Variants in ATRN observed in about 807,000 individuals in gnomAD.
ATRN encodes the protein attractin.
In ATRN, 54 loss-of-function variants were observed where a neutral mutation model predicts 178.7. The ratio of observed to expected loss-of-function variants is 0.30; its 90% CI spans 0.24 to 0.38. The LOEUF (loss-of-function observed/expected upper bound fraction) is 0.38. Among genes scored for constraint, ATRN ranks in the 10% least tolerant of loss-of-function variants. The probability of loss-of-function intolerance (pLI) is 1.00; values close to 1 mark genes in which losing one functional copy is unlikely to be tolerated. For synonymous variants in ATRN, 636 were observed against 663.0 expected (o/e 0.96, Z 0.63); for missense variants, 1,443 against 1,815.1 (o/e 0.79, Z 3.73).
intron 1 of ATRN, among the ~76,000 whole-genome samples, chr20:3,500,401 G>A (rs966757834): frequency 6.6e-5 from 10 of 151,944 alleles, no homozygotes; most frequent in Non-Finnish European, 1.5e-4. Flanking sequence ...GTTTATAGTG[G>A]CACTATTCAC....
chr20:3,579,221 C>T (rs188504017), intron 15 of ATRN, among the ~76,000 whole-genome samples: 1 of 152,258 alleles, frequency 6.6e-6, no homozygotes, highest in Admixed American at 6.5e-5. Context: ...TGTGGTGGCT[C>T]ACACCTGTAA....
At position 3,645,915 on chromosome 20, in the gene ATRN, G is replaced by C. The variant is rs1236204568; in HGVS notation, c.4166-808G>C. Among the ~76,000 whole-genome samples the C allele has an allele frequency of 1.3e-5, 2 of 152,158 alleles. No individual in the cohort carries two copies. Among genetic ancestry groups the C allele is most frequent in the Non-Finnish European group, 2.9e-5 (2 of 68,048 alleles). ...ACCGTGCCTTCCCTAATGGATGTCA[G>C]ATTACTCCGTTATCAATACAGGAAG... On this transcript the variant is annotated intron_variant, in intron 28 of 28. Transcript: ENST00000262919. The surrounding 1 kb of genome is among the most constrained non-coding windows in gnomAD (Gnocchi z 4.7).
At chr20:3,593,230 C>T (rs919265689) in intron 19 of ATRN, among the ~76,000 whole-genome samples, 1 of 152,122 alleles carries the variant, frequency 6.6e-6, no homozygotes, top group Non-Finnish European at 1.5e-5. Flanking sequence ...ATCTACAGGG[C>T]CTGAGTACAA....
At chr20:3,572,649 TC>T in intron 11 of ATRN, 81 bp from the exon 12 acceptor site, 1 of 1,112,738 alleles carries the variant, frequency 9.0e-7, no homozygotes, top group African/African-American at 3.2e-5. Context: ...AGACCCTGTC[TC>T]TTAAAAAAAA....
rs1303855199 is a variant in ATRN, at chr20:3,591,169, C to T, written c.3185C>T (p.Ala1062Val). ...CCCCTTGAAACTCTTTTTCTTGCAG[C>T]TTGCCAATGCAACGGCCACAGTAAA... is the stretch of plus-strand genomic sequence containing the variant. ...RYNWSFIHCP[A>V]CQCNGHSKCI... The change falls in exon 19 of 29, where the codon GCT becomes GTT. Residue 1062 changes from alanine (A) to valine (V), a missense_variant and splice_region_variant. Transcript: ENST00000262919. The T allele has an allele frequency of 3.1e-6, 5 of 1,613,392 alleles. No individual in the cohort carries two copies. In the African/African-American group the frequency reaches 4.0e-5, roughly 13 times the overall value.
At position 3,607,590 on chromosome 20, in the gene ATRN, A is replaced by G. The variant is rs150882121; in HGVS notation, c.3801+3328A>G. 1.9e-3 allele frequency among the ~76,000 whole-genome samples: 285 copies of G among 152,328 alleles called. 1 individual carries two copies. Among genetic ancestry groups the G allele is most frequent in the African/African-American group, 6.6e-3 (276 of 41,576 alleles). On this transcript the variant is annotated intron_variant, in intron 24 of 28. Transcript: ENST00000262919. Reference sequence around the variant, plus strand: ...TGACTGAATAATATTTCATTGTATAATATATACAACATTTTATTTGTCCAT... The same window carrying G: ...TGACTGAATAATATTTCATTGTATAGTATATACAACATTTTATTTGTCCAT...
intron 27 of ATRN, among the ~76,000 whole-genome samples, chr20:3,643,393 C>T (rs1029744386): frequency 6.6e-5 from 10 of 151,924 alleles, no homozygotes; most frequent in East Asian, 1.9e-4. Flanking sequence ...AAGCTGGGTG[C>T]GGTAGGTCAC....
chr20:3,616,792 C>G (rs2086851203), intron 24 of ATRN, among the ~76,000 whole-genome samples: 2 of 152,074 alleles, frequency 1.3e-5, no homozygotes, highest in African/African-American at 4.8e-5. Context: ...TTAGGAGGTC[C>G]AGGAGTCCAG....
At chr20:3,605,674 A>G (rs2086667289) in intron 24 of ATRN, among the ~76,000 whole-genome samples, 2 of 152,302 alleles carry the variant, frequency 1.3e-5, no homozygotes, top group South Asian at 2.1e-4. Context: ...CAGGTACCAC[A>G]TGTTCTCACT....
At chr20:3,518,782 T>C (rs556700128) in intron 1 of ATRN, among the ~76,000 whole-genome samples, 1 of 152,094 alleles carries the variant, frequency 6.6e-6, no homozygotes, top group South Asian at 2.1e-4. Context: ...GTAGTTTGGG[T>C]ACTTAAAAAA....
intron 24 of ATRN, among the ~76,000 whole-genome samples, chr20:3,624,004 G>A (rs1023305491): frequency 6.6e-5 from 10 of 152,132 alleles, no homozygotes; most frequent in Non-Finnish European, 1.2e-4. Flanking sequence ...TTCTGATGAC[G>A]TAGTGTCAGA....
intron 1 of ATRN, among the ~76,000 whole-genome samples, chr20:3,488,146 T>C (rs997334769): frequency 4.6e-5 from 7 of 152,226 alleles, no homozygotes; most frequent in Admixed American, 2.0e-4. Flanking sequence ...TCTTACTTTT[T>C]TTCAGGTTCA....
At chr20:3,602,963 CAAAAAAAAAAAA>C (rs3842439) in intron 23 of ATRN, among the ~76,000 whole-genome samples, 9,716 of 40,722 alleles carry the variant, frequency 0.24, 682 homozygotes, top group East Asian at 0.52. Flanking sequence ...AATTCCATCT[CAAAAAAAAAAAA>C]AAAAAAAAAA....
chr20:3,592,415 G>GAAA, intron 19 of ATRN: 1 of 626,110 alleles, frequency 1.6e-6, no homozygotes, highest in Non-Finnish European at 1.9e-6. Flanking sequence ...AAAAAAAAAA[G>GAAA]AAAAAAAAAA....
chr20:3,565,538 C>A lies in ATRN; in HGVS notation c.1871+106C>A, dbSNP rs549338404. On this transcript the variant is annotated intron_variant, in intron 11 of 28. Coordinates refer to ENST00000262919, the MANE Select transcript of ATRN (RefSeq NM_139321.3). Reference sequence around the variant, plus strand: ...ATTCTGGCACTTTGGGAGGCCGAGGCGGGTGGAATACGAGGTCAGGAGATC... The same window carrying A: ...ATTCTGGCACTTTGGGAGGCCGAGGAGGGTGGAATACGAGGTCAGGAGATC... The A allele has an allele frequency of 3.5e-5, 31 of 883,516 alleles. 2 individuals carry two copies. The South Asian group carries it at 4.3e-4, about 12-fold the overall frequency. 54.7% of individuals were successfully genotyped at this position (883,516 alleles called of 1,614,324 possible). A position where few individuals can be genotyped will look rare whatever the true frequency, so the allele number is the denominator to read the frequency against.
intron 6 of ATRN, among the ~76,000 whole-genome samples, chr20:3,551,330 A>G (rs1276938329): frequency 6.6e-6 from 1 of 152,158 alleles, no homozygotes; most frequent in African/African-American, 2.4e-5. Context: ...GACTGGCTGG[A>G]TGGAGGTACA....
chr20:3,603,064 T>TG (rs2086633607), intron 23 of ATRN, among the ~76,000 whole-genome samples: 1 of 145,684 alleles, frequency 6.9e-6, no homozygotes, highest in African/African-American at 2.6e-5. Context: ...AACTCAGACA[T>TG]GGAAAAAAGT....
At chr20:3,537,578 T>C (rs1330611060) in intron 2 of ATRN, among the ~76,000 whole-genome samples, 3 of 151,502 alleles carry the variant, frequency 2.0e-5, no homozygotes, top group Non-Finnish European at 2.9e-5. Context: ...TTGTTACATA[T>C]GTATACATGT....
chr20:3,471,808 G>A (rs1461812439), intron 1 of ATRN, among the ~76,000 whole-genome samples: 1 of 152,218 alleles, frequency 6.6e-6, no homozygotes, highest in African/African-American at 2.4e-5. Context: ...GAGCATCAAA[G>A]CCGATCGCTC....
Sources: allele counts gnomAD v4.1 joint callset (sites outside exome capture counted in the v4.1 genomes callset), GRCh38; gene constraint gnomAD v4.1.1; non-coding constraint Gnocchi (gnomAD v3.1); transcripts MANE v1.5; gene names NCBI Gene and HGNC (gene_info 2026-07-23, HGNC 2026-07-21).